The following ADAMTSL1 variants were observed in gnomAD, a reference collection of about 807,000 sequenced individuals.
ADAMTSL1 encodes ADAMTS like 1, also known as ADAMTS-like protein 1.
ADAMTSL1 carries 126 observed loss-of-function variants against 201.8 expected under a neutral mutation model. The observed-to-expected ratio is 0.62, with a 90% CI of 0.54 to 0.72. The LOEUF is 0.72. Among genes scored for constraint, ADAMTSL1 ranks in the 30% least tolerant of loss-of-function variants. ADAMTSL1 has a pLI of 0.00. For synonymous variants in ADAMTSL1, 1,121 were observed against 903.4 expected, an observed-to-expected ratio of 1.24 and a Z score of -4.32; for missense variants, 2,679 against 2,277.8, an observed-to-expected ratio of 1.18 and a Z score of -3.59.
chr9:18,411,242 G>A (rs1169962249), intron 2 of ADAMTSL1, among the ~76,000 whole-genome samples: 1 of 151,138 alleles, frequency 6.6e-6, no homozygotes, highest in Non-Finnish European at 1.5e-5. Context: ...TGTTGCCCAG[G>A]TTGGAGTGCA....
At chr9:18,552,535 TA>T (rs1402513778) in intron 3 of ADAMTSL1, among the ~76,000 whole-genome samples, 1 of 151,808 alleles carries the variant, frequency 6.6e-6, no homozygotes, top group Non-Finnish European at 1.5e-5. Context: ...CTCTGGAGTG[TA>T]AATTTCTATA....
chr9:18,251,424 T>C lies in ADAMTSL1; in HGVS notation c.207+87443T>C, dbSNP rs370717098. On this transcript the variant is annotated intron_variant, in intron 2 of 29. Coordinates refer to the ADAMTSL1 transcript ENST00000680146. ...GACTTTCTAAACTTCAAAAGGACAG[T>C]GAAAAAAACCTGACAATTTTCTAGA... 4.3e-4 allele frequency among the ~76,000 whole-genome samples: 66 copies of C among 152,290 alleles called. 1 individual carries two copies. The South Asian group carries it at 0.013, about 31-fold the overall frequency.
chr9:18,204,931 A>G (rs1829591862), intron 2 of ADAMTSL1, among the ~76,000 whole-genome samples: 1 of 152,176 alleles, frequency 6.6e-6, no homozygotes, highest in Non-Finnish European at 1.5e-5. Flanking sequence ...GGAGTAATAC[A>G]TTTGATTGAG....
intron 1 of ADAMTSL1, among the ~76,000 whole-genome samples, chr9:18,013,652 C>A (rs994079826): frequency 1.3e-5 from 2 of 152,004 alleles, no homozygotes; most frequent in African/African-American, 4.8e-5. Flanking sequence ...ATTCATGTTA[C>A]TCAACTTTAG....
Position 18,681,798 on chromosome 9 carries a change from C to A in ADAMTSL1, c.1342-14C>A. ...TTGCCTACGAGTCTCCTCTCTCTTG[C>A]AATCTCTTTCCAGTGCACAGTGACA... is the stretch of plus-strand genomic sequence containing the variant. On this transcript the variant is annotated splice_polypyrimidine_tract_variant and intron_variant, in intron 11 of 28. Coordinates refer to ENST00000380548, the MANE Select transcript of ADAMTSL1 (RefSeq NM_001040272.6). 1 of 1,591,294 alleles carries A rather than the reference C, an allele frequency of 6.3e-7. No individual in the cohort carries two copies. Among genetic ancestry groups the A allele is most frequent in the Non-Finnish European group, 8.6e-7 (1 of 1,167,782 alleles).
chr9:18,415,319 G>T (rs1818626591), intron 2 of ADAMTSL1, among the ~76,000 whole-genome samples: 2 of 152,200 alleles, frequency 1.3e-5, no homozygotes, highest in Admixed American at 6.5e-5. Flanking sequence ...TGTTTCATAG[G>T]TTCAAAAAGT....
chr9:18,001,962 C>T (rs1339410631), intron 1 of ADAMTSL1, among the ~76,000 whole-genome samples: 1 of 151,866 alleles, frequency 6.6e-6, no homozygotes, highest in East Asian at 2.0e-4. Flanking sequence ...ATGGAGACTT[C>T]TGTGCAGAAT....
At chr9:18,741,102 G>T (rs1818799759) in intron 15 of ADAMTSL1, among the ~76,000 whole-genome samples, 1 of 152,002 alleles carries the variant, frequency 6.6e-6, no homozygotes. Context: ...CTTACATAAA[G>T]CCTGGCACAC....
intron 2 of ADAMTSL1, among the ~76,000 whole-genome samples, chr9:18,358,207 A>T (rs1836342842): frequency 6.6e-6 from 1 of 152,196 alleles, no homozygotes; most frequent in Non-Finnish European, 1.5e-5. Context: ...AGTGCCTGGA[A>T]TAAGGGAGAG....
At chr9:18,324,571 C>A (rs4366171) in intron 2 of ADAMTSL1, among the ~76,000 whole-genome samples, 18,745 of 151,972 alleles carry the variant, frequency 0.12, 1,208 homozygotes, top group African/African-American at 0.14. Flanking sequence ...TTGAAACCAG[C>A]CTGACCAACA....
At chr9:18,804,325 G>A (rs369937973) in intron 20 of ADAMTSL1, among the ~76,000 whole-genome samples, 2 of 152,186 alleles carry the variant, frequency 1.3e-5, no homozygotes, top group South Asian at 4.1e-4. Context: ...CAGAGAACTG[G>A]TGAAGACAAA....
At chr9:18,187,231 C>T (rs1269749364) in intron 2 of ADAMTSL1, among the ~76,000 whole-genome samples, 2 of 152,130 alleles carry the variant, frequency 1.3e-5, no homozygotes, top group African/African-American at 4.8e-5. Context: ...TTTCTAGTAA[C>T]TACTCTCCAT....
chr9:18,209,098 G>T (rs995159058), intron 2 of ADAMTSL1, among the ~76,000 whole-genome samples: 8 of 152,190 alleles, frequency 5.3e-5, no homozygotes, highest in Admixed American at 2.0e-4. Flanking sequence ...CTGTGTGTGT[G>T]TGTCTGCGTG....
intron 1 of ADAMTSL1, among the ~76,000 whole-genome samples, chr9:18,150,746 G>T (rs1466798391): frequency 6.6e-6 from 1 of 151,854 alleles, no homozygotes; most frequent in Non-Finnish European, 1.5e-5. Flanking sequence ...GATCCCTTTG[G>T]GGACAGCAGT....
rs141081172 is a variant in ADAMTSL1, at chr9:17,978,431, T to C, written c.87+71509T>C. Among the ~76,000 whole-genome samples, 1,030 of 152,192 alleles carry C rather than the reference T, an allele frequency of 6.8e-3. 14 individuals carry two copies. The highest frequency in any genetic ancestry group is 0.024 in the African/African-American group (981 of 41,570). On this transcript the variant is annotated intron_variant, in intron 1 of 29. Coordinates refer to the ADAMTSL1 transcript ENST00000680146. Reference sequence around the variant, plus strand: ...ATTTTCTGTTGTGGTATTATTCGATTTCTTTCTCTTTATTTTGGGGGAATT... The same window carrying C: ...ATTTTCTGTTGTGGTATTATTCGATCTCTTTCTCTTTATTTTGGGGGAATT...
At chr9:18,387,256 T>C (rs1837834872) in intron 2 of ADAMTSL1, among the ~76,000 whole-genome samples, 1 of 152,036 alleles carries the variant, frequency 6.6e-6, no homozygotes, top group Non-Finnish European at 1.5e-5. Flanking sequence ...ATAAGGTAAA[T>C]AAATAGTCAT....
intron 1 of ADAMTSL1, among the ~76,000 whole-genome samples, chr9:18,065,243 G>A (rs1033585826): frequency 3.9e-5 from 6 of 152,010 alleles, no homozygotes; most frequent in African/African-American, 1.2e-4. Flanking sequence ...GGATGTACAT[G>A]CAAGGATTTC....
chr9:18,378,195 G>A (rs1837390652), intron 2 of ADAMTSL1, among the ~76,000 whole-genome samples: 2 of 152,274 alleles, frequency 1.3e-5, no homozygotes, highest in South Asian at 4.1e-4. Context: ...TTCTGCCTTT[G>A]ACCTAGGAAA....
intron 2 of ADAMTSL1, among the ~76,000 whole-genome samples, chr9:18,296,561 C>G (rs924577197): frequency 6.6e-6 from 1 of 151,910 alleles, no homozygotes; most frequent in Non-Finnish European, 1.5e-5. Context: ...TTTGGTAAAA[C>G]CTTAATGTTG....
Sources: allele counts gnomAD v4.1 joint callset (sites outside exome capture counted in the v4.1 genomes callset), GRCh38; gene constraint gnomAD v4.1.1; transcripts MANE v1.5; gene names NCBI Gene and HGNC (gene_info 2026-07-23, HGNC 2026-07-21).